The following MIB1 variants were observed in gnomAD, a reference collection of about 807,000 sequenced individuals.
The protein encoded by MIB1 is E3 ubiquitin-protein ligase MIB1.
Under a neutral mutation model 124.5 loss-of-function variants are expected in MIB1, and 278 were observed. That is an observed-to-expected ratio of 2.23 (90% CI 2.02 to 2.47). MIB1 has a LOEUF of 2.47. Ranked by LOEUF, MIB1 falls within the 30% of genes most tolerant of loss-of-function variation. MIB1 has a pLI of 0.00. For missense variants in MIB1, 957 were observed against 1,254.4 expected (o/e 0.76, Z 3.58); for synonymous variants, 446 against 429.4 (o/e 1.04, Z -0.48).
Position 21,791,250 on chromosome 18 carries a change from AAC to A in MIB1, c.909-120_909-119del, listed in dbSNP as rs1385618952. On this transcript the variant is annotated intron_variant, in intron 6 of 20. Coordinates refer to ENST00000261537, the MANE Select transcript of MIB1 (RefSeq NM_020774.4). ...ATATGTATTTGTGTATATATAAATA[AAC>A]ACAAATCATTCAGGATATAATTGCA... is the stretch of plus-strand genomic sequence containing the variant. The A allele has an allele frequency of 1.6e-5, 11 of 678,516 alleles. No individual in the cohort carries two copies. The African/African-American group carries it at 1.6e-4, about 10-fold the overall frequency. 42.0% of individuals were successfully genotyped at this position (678,516 alleles called of 1,614,324 possible). A position where few individuals can be genotyped will look rare whatever the true frequency, so the allele number is the denominator to read the frequency against.
At chr18:21,838,578 C>A in intron 13 of MIB1, 81 bp downstream of exon 13, 1 of 1,181,520 alleles carries the variant, frequency 8.5e-7, no homozygotes, top group Non-Finnish European at 1.2e-6. Flanking sequence ...TTATTTATTG[C>A]TTTATAAATT....
At chr18:21,711,026 C>T (rs2040663415) in intron 1 of MIB1, among the ~76,000 whole-genome samples, 1 of 151,934 alleles carries the variant, frequency 6.6e-6, no homozygotes, top group Admixed American at 6.6e-5. Context: ...AGGGTTTCAC[C>T]ATGTTGGCCA....
At chr18:21,773,536 AT>A (rs1019699008) in intron 3 of MIB1, 87 bp from the exon 4 acceptor site, 3 of 834,702 alleles carry the variant, frequency 3.6e-6, no homozygotes, top group Non-Finnish European at 3.8e-6. Flanking sequence ...AGATGAAATG[AT>A]TTTTAAGATT....
At chr18:21,719,527 A>G (rs2040704891) in intron 1 of MIB1, among the ~76,000 whole-genome samples, 1 of 151,888 alleles carries the variant, frequency 6.6e-6, no homozygotes, top group Admixed American at 6.6e-5. Context: ...GCACACTGCA[A>G]CCTCTGCCCC....
intron 6 of MIB1, among the ~76,000 whole-genome samples, chr18:21,788,175 C>G (rs543472097): frequency 6.6e-6 from 1 of 152,170 alleles, no homozygotes; most frequent in African/African-American, 2.4e-5. Context: ...CATATCTAAT[C>G]CACTTTAGTA....
Position 21,864,579 on chromosome 18 carries a change from T to A in MIB1, c.2934T>A (p.Gly978=), listed in dbSNP as rs1409289216. ...DRLKNMIFLC[G]HGTCQLCGDR... Reference sequence around the variant, plus strand: ...TGAAGAATATGATTTTCCTTTGTGGTCACGGAACCTGTCAACTCTGTGGAG... The same window carrying A: ...TGAAGAATATGATTTTCCTTTGTGGACACGGAACCTGTCAACTCTGTGGAG... The change falls in exon 21 of 21, where the codon GGT becomes GGA. Residue 978 remains glycine (G), a synonymous_variant. Transcript: ENST00000261537. The A allele has an allele frequency of 1.7e-5, 27 of 1,613,616 alleles. No homozygotes were observed. Among genetic ancestry groups the A allele is most frequent in the Non-Finnish European group, 1.9e-5 (22 of 1,179,642 alleles).
upstream of MIB1, among the ~76,000 whole-genome samples, chr18:21,739,849 A>G (rs1307359574): frequency 6.6e-6 from 1 of 150,890 alleles, no homozygotes; most frequent in Non-Finnish European, 1.5e-5. Flanking sequence ...CAGGAGGCGG[A>G]GGTTGCGGGG....
chr18:21,762,170 C>T (rs577728292), intron 1 of MIB1, among the ~76,000 whole-genome samples: 4 of 152,250 alleles, frequency 2.6e-5, no homozygotes, highest in South Asian at 4.1e-4. Context: ...CAGTCAGATA[C>T]TGCTGAAAGG....
intron 13 of MIB1, among the ~76,000 whole-genome samples, chr18:21,841,123 T>C (rs2042085112): frequency 6.6e-6 from 1 of 152,100 alleles, no homozygotes; most frequent in South Asian, 2.1e-4. Flanking sequence ...CCAAGCACTT[T>C]GGGAGGCTGA....
chr18:21,863,496 TA>T (rs2042294246), intron 20 of MIB1, among the ~76,000 whole-genome samples: 1 of 149,068 alleles, frequency 6.7e-6, no homozygotes, highest in South Asian at 2.1e-4. Context: ...GTGGGACGGG[TA>T]GGTAATCTTC....
chr18:21,773,519 G>A, intron 3 of MIB1, 105 bp from the exon 4 acceptor site: 1 of 710,132 alleles, frequency 1.4e-6, no homozygotes, highest in East Asian at 2.9e-5. Flanking sequence ...CTGTTACACA[G>A]GTTGCTAGAT....
intron 19 of MIB1, among the ~76,000 whole-genome samples, chr18:21,858,115 C>T (rs907941132): frequency 1.3e-5 from 2 of 152,140 alleles, no homozygotes; most frequent in African/African-American, 4.8e-5. Flanking sequence ...GATTTGTGTA[C>T]GTCCTCATAA....
intron 7 of MIB1, among the ~76,000 whole-genome samples, chr18:21,797,178 T>A (rs2041592379): frequency 6.6e-6 from 1 of 152,132 alleles, no homozygotes; most frequent in Non-Finnish European, 1.5e-5. Context: ...AGAGTTCTTA[T>A]TGTTTGGAGG....
At chr18:21,804,856 A>G (rs1250018352) in intron 10 of MIB1, among the ~76,000 whole-genome samples, 1 of 152,136 alleles carries the variant, frequency 6.6e-6, no homozygotes, top group Admixed American at 6.5e-5. Flanking sequence ...GGAAAAGAGA[A>G]GCCTTTTCTA....
In MIB1 at chr18:21,870,304, C is replaced by A. The variant is rs977399320; in HGVS notation, c.*5638C>A. ...TATTGTTAAAAAGGAAATTACCATGCCTTTAAGAAACAAGGATGTACATCT... is the reference window on the plus strand; with the variant it reads ...TATTGTTAAAAAGGAAATTACCATGACTTTAAGAAACAAGGATGTACATCT... On this transcript the variant is annotated 3_prime_UTR_variant, in exon 21 of 21. Coordinates refer to ENST00000261537, the MANE Select transcript of MIB1 (RefSeq NM_020774.4). 6.6e-6 allele frequency: 1 copy of A among 152,124 alleles called. No individual in the cohort carries two copies. Among genetic ancestry groups the A allele is most frequent in the East Asian group, 1.9e-4 (1 of 5,196 alleles). The allele number at this position is 152,124 out of a possible 1,614,324, so 9.4% of individuals were successfully genotyped here.
At chr18:21,827,440 G>C (rs2155975) in intron 12 of MIB1, 2 of 151,864 alleles carry the variant, frequency 1.3e-5, no homozygotes, top group Non-Finnish European at 2.9e-5. Context: ...TAAACAACTT[G>C]TATACCTATA....
At chr18:21,789,912 G>A (rs1368855180) in intron 6 of MIB1, among the ~76,000 whole-genome samples, 1 of 152,156 alleles carries the variant, frequency 6.6e-6, no homozygotes, top group Admixed American at 6.5e-5. Context: ...TACTTGACAA[G>A]GGAACCTTTA....
At position 21,849,387 on chromosome 18, in the gene MIB1, AG is replaced by A; in HGVS notation, c.2586+1del. The A allele has an allele frequency of 6.4e-7, 1 of 1,574,690 alleles. No individual in the cohort carries two copies. The highest frequency in any genetic ancestry group is 1.2e-5 in the South Asian group (1 of 86,210). ...ICKEQVQSRTKIEECVVCSDK... is the reference protein window; with the variant it reads ...ICKEQVQSRTXIEECVVCSDK... The stretch of plus-strand genomic sequence containing the variant: ...AAAGAACAGGTTCAATCCAGGACAA[AG>A]GTAAGATATATTTAATATAGTATTT... On this transcript the variant is annotated frameshift_variant and splice_region_variant, in exon 17 of 21. Transcript: ENST00000261537. LOFTEE classifies it high-confidence loss of function.
At position 21,741,029 on chromosome 18, in the gene MIB1, G is replaced by T. The variant is rs1009287958; in HGVS notation, c.-555G>T. Reference sequence around the variant, plus strand: ...GCTGGTGCGGGGGCAGAGAGAAGGGGGCCTGAGGGCCCGGGCGCTCGCCGG... The same window carrying T: ...GCTGGTGCGGGGGCAGAGAGAAGGGTGCCTGAGGGCCCGGGCGCTCGCCGG... On this transcript the variant is annotated 5_prime_UTR_variant, in exon 1 of 21. Coordinates refer to ENST00000261537, the MANE Select transcript of MIB1 (RefSeq NM_020774.4). The surrounding 1 kb of genome is among the most constrained non-coding windows in gnomAD (Gnocchi z 5.4). Among the ~76,000 whole-genome samples the T allele has an allele frequency of 6.6e-6, 1 of 151,632 alleles. No individual in the cohort carries two copies. Among genetic ancestry groups the T allele is most frequent in the Non-Finnish European group, 1.5e-5 (1 of 67,864 alleles).
Sources: allele counts gnomAD v4.1 joint callset (sites outside exome capture counted in the v4.1 genomes callset), GRCh38; gene constraint gnomAD v4.1.1; non-coding constraint Gnocchi (gnomAD v3.1); transcripts MANE v1.5; gene names NCBI Gene and HGNC (gene_info 2026-07-23, HGNC 2026-07-21).